The following NLGN4X variants were observed in gnomAD, a reference collection of about 807,000 sequenced individuals.
NLGN4X encodes the protein neuroligin 4 X-linked, also known as neuroligin-4, X-linked.
In NLGN4X, 3 loss-of-function variants were observed where a neutral mutation model predicts 40.3. That is an observed-to-expected ratio of 0.07 (90% CI 0.03 to 0.19). The LOEUF is 0.19. NLGN4X is among the 10% of genes least tolerant of loss of function. The pLI is 1.00. For synonymous variants in NLGN4X, 270 were observed against 306.8 expected (o/e 0.88, Z 1.25); for missense variants, 382 against 708.3 (o/e 0.54, Z 5.23).
intron 2 of NLGN4X, among the ~76,000 whole-genome samples, chrX:6,066,413 G>T (rs2147346747): frequency 8.9e-6 from 1 of 111,864 alleles, no homozygotes; most frequent in African/African-American, 3.2e-5. Context: ...TCTGACTCTT[G>T]GATTTTCTTT....
At chrX:6,171,363 C>A (rs1459484382) in intron 1 of NLGN4X, among the ~76,000 whole-genome samples, 1 of 112,058 alleles carries the variant, frequency 8.9e-6, no homozygotes, top group African/African-American at 3.2e-5. Flanking sequence ...ATTTCCTTTT[C>A]TTTTATGTAC....
At chrX:5,944,561 C>A (rs868682991) in intron 3 of NLGN4X, among the ~76,000 whole-genome samples, 28 of 104,598 alleles carry the variant, frequency 2.7e-4, no homozygotes, top group Middle Eastern at 0.01. Context: ...GAGAGGAGGA[C>A]TGCTTGAGCC....
intron 1 of NLGN4X, among the ~76,000 whole-genome samples, chrX:6,182,451 G>A (rs1191049122): frequency 9.0e-6 from 1 of 111,673 alleles, no homozygotes. Context: ...AGATGTTGCA[G>A]AGGCCAACTA....
At chrX:6,081,575 G>A (rs1427843633) in intron 2 of NLGN4X, among the ~76,000 whole-genome samples, 1 of 112,210 alleles carries the variant, frequency 8.9e-6, no homozygotes. Context: ...TGACAAAGGG[G>A]CTCCATCTAT....
chrX:6,204,222 T>C (rs1923851705), intron 1 of NLGN4X, among the ~76,000 whole-genome samples: 1 of 112,396 alleles, frequency 8.9e-6, no homozygotes, highest in African/African-American at 3.2e-5. Flanking sequence ...CAGACCTTCG[T>C]TTGAGAAGCC....
intron 3 of NLGN4X, among the ~76,000 whole-genome samples, chrX:6,004,543 G>T (rs1216860202): frequency 8.9e-6 from 1 of 111,993 alleles, no homozygotes; most frequent in Non-Finnish European, 1.9e-5. Flanking sequence ...GTTATAGAGA[G>T]GAAATGAAAA....
chrX:5,981,870 A>G lies in NLGN4X; in HGVS notation c.625+47410T>C, dbSNP rs769220965. Reference sequence around the variant, plus strand: ...GTAGCTAGCGTTATTGCTATGTTGTAGATTGATTGCAGACATACTAATCAA... The same window carrying G: ...GTAGCTAGCGTTATTGCTATGTTGTGGATTGATTGCAGACATACTAATCAA... On this transcript the variant is annotated intron_variant, in intron 3 of 5. Transcript: ENST00000381095. Among the ~76,000 whole-genome samples the G allele has an allele frequency of 3.6e-5, 4 of 111,502 alleles. No homozygotes were observed. In the South Asian group the frequency reaches 1.5e-3, roughly 42 times the overall value.
At chrX:5,990,049 G>A (rs905977841) in intron 3 of NLGN4X, among the ~76,000 whole-genome samples, 1 of 104,763 alleles carries the variant, frequency 9.5e-6, no homozygotes, top group African/African-American at 3.5e-5. Context: ...GGTTGGTTGG[G>A]GGGATTACAT....
chrX:6,080,820 T>C (rs1178827344), intron 2 of NLGN4X, among the ~76,000 whole-genome samples: 6 of 111,405 alleles, frequency 5.4e-5, no homozygotes, highest in Non-Finnish European at 3.8e-5. Context: ...GGTTTACGAC[T>C]ATGTGAAAAT....
At position 6,203,856 on chromosome X, in the gene NLGN4X, T is replaced by C. The variant is rs1466024103; in HGVS notation, c.-306+24685A>G. Among the ~76,000 whole-genome samples the C allele has an allele frequency of 2.7e-5, 3 of 112,789 alleles. No individual in the cohort carries two copies. In the East Asian group the frequency reaches 8.4e-4, roughly 31 times the overall value. On this transcript the variant is annotated intron_variant, in intron 1 of 5. Coordinates refer to ENST00000381095, the MANE Select transcript of NLGN4X (RefSeq NM_181332.3). Reference sequence around the variant, plus strand: ...AGTTTTAACCTAAGGTTTAGAAGAATTTTTTATGCAGCAATAGATAACCAA... The same window carrying C: ...AGTTTTAACCTAAGGTTTAGAAGAACTTTTTATGCAGCAATAGATAACCAA...
At chrX:5,916,322 T>A (rs192748873) in intron 3 of NLGN4X, among the ~76,000 whole-genome samples, 198 of 112,489 alleles carry the variant, frequency 1.8e-3, no homozygotes, top group Non-Finnish European at 3.2e-3. Context: ...ATCCATATTA[T>A]GAGATGCTGT....
chrX:6,182,434 G>C (rs1921554913), intron 1 of NLGN4X, among the ~76,000 whole-genome samples: 1 of 111,495 alleles, frequency 9.0e-6, no homozygotes, highest in African/African-American at 3.3e-5. Context: ...GGTATCAAGA[G>C]GGAGAAAGAT....
Position 6,062,749 on chromosome X carries a change from G to A in NLGN4X, c.473-33317C>T, listed in dbSNP as rs745855692. Among the ~76,000 whole-genome samples, 17 of 110,779 alleles carry A rather than the reference G, an allele frequency of 1.5e-4. No individual in the cohort carries two copies. The South Asian group carries it at 5.8e-3, about 38-fold the overall frequency. Reference sequence around the variant, plus strand: ...ATGGTTTTGTAAAGGGACTGCACACGCTCTCTCTTGCCTGCTGCCATCCAT... The same window carrying A: ...ATGGTTTTGTAAAGGGACTGCACACACTCTCTCTTGCCTGCTGCCATCCAT... On this transcript the variant is annotated intron_variant, in intron 2 of 5. Coordinates refer to ENST00000381095, the MANE Select transcript of NLGN4X (RefSeq NM_181332.3).
chrX:6,022,042 T>A (rs995855354), intron 3 of NLGN4X, among the ~76,000 whole-genome samples: 1 of 112,480 alleles, frequency 8.9e-6, no homozygotes, highest in Non-Finnish European at 1.9e-5. Flanking sequence ...ATGCTTCTTT[T>A]ACGTCTCTAC....
rs1160396745 is a variant in NLGN4X, at chrX:5,893,002, A to T, written c.2266T>A (p.Cys756Ser). Residue 756 changes from cysteine to serine, a missense_variant, in exon 6 of 6, where the codon TGC (cysteine) becomes AGC (serine). This residue lies in a region of NLGN4X where 57 missense variants were observed against 65.6 expected (regional missense o/e 0.87). Coordinates refer to ENST00000381095, the MANE Select transcript of NLGN4X (RefSeq NM_181332.3). ...LQAHDTLRLT[C>S]PPDYTLTLRR... ...AGCGTGAGGGTGTAGTCTGGCGGGC[A>T]GGTGAGCCTCAGTGTGTCGTGTGCC... The T allele has an allele frequency of 1.9e-5, 23 of 1,209,255 alleles. No homozygotes were observed. Among genetic ancestry groups the T allele is most frequent in the Non-Finnish European group, 2.6e-5 (23 of 895,120 alleles).
At chrX:5,996,815 T>C (rs1408691652) in intron 3 of NLGN4X, among the ~76,000 whole-genome samples, 1 of 110,661 alleles carries the variant, frequency 9.0e-6, no homozygotes, top group Non-Finnish European at 1.9e-5. Flanking sequence ...GCCAGGCCAC[T>C]TGTACTCCTT....
intron 3 of NLGN4X, among the ~76,000 whole-genome samples, chrX:5,931,387 T>C (rs1393764408): frequency 8.9e-6 from 1 of 112,129 alleles, no homozygotes; most frequent in Non-Finnish European, 1.9e-5. Context: ...ATGAAAGCCA[T>C]TTAGAAAGTT....
At chrX:6,135,357 T>A (rs2147638909) in intron 2 of NLGN4X, among the ~76,000 whole-genome samples, 1 of 112,250 alleles carries the variant, frequency 8.9e-6, no homozygotes, top group African/African-American at 3.2e-5. Context: ...TTTCTGAATG[T>A]CCAAGTTCCT....
At chrX:5,939,805 T>C (rs2033862979) in intron 3 of NLGN4X, among the ~76,000 whole-genome samples, 1 of 111,754 alleles carries the variant, frequency 8.9e-6, no homozygotes, top group African/African-American at 3.2e-5. Context: ...CCTAAAATAA[T>C]GTGGTTTACT....
Sources: allele counts gnomAD v4.1 joint callset (sites outside exome capture counted in the v4.1 genomes callset), GRCh38; gene constraint gnomAD v4.1.1; regional missense constraint gnomAD v4.1.1; transcripts MANE v1.5; gene names NCBI Gene and HGNC (gene_info 2026-07-23, HGNC 2026-07-21).